EFL1: variants seen among roughly 807,000 people sequenced by gnomAD.
EFL1 encodes the protein elongation factor-like GTPase 1.
EFL1 carries 76 observed loss-of-function variants against 126.7 expected under a neutral mutation model. The ratio of observed to expected loss-of-function variants is 0.60; its 90% CI spans 0.50 to 0.73. The LOEUF is 0.73. EFL1 is among the 30% of genes least tolerant of loss of function. The pLI, the probability that EFL1 is intolerant of heterozygous loss-of-function variation, is 0.00. For synonymous variants in EFL1, 410 were observed against 448.4 expected, an observed-to-expected ratio of 0.91 and a Z score of 1.08; for missense variants, 1,128 against 1,343.2, an observed-to-expected ratio of 0.84 and a Z score of 2.50.
intron 15 of EFL1, among the ~76,000 whole-genome samples, chr15:82,191,905 T>C (rs1376767990): frequency 2.6e-5 from 4 of 152,026 alleles, no homozygotes; most frequent in Admixed American, 2.0e-4. Flanking sequence ...ATAACAACAA[T>C]GAACATGGAA....
At chr15:82,145,588 T>C (rs2073836062) in intron 18 of EFL1, among the ~76,000 whole-genome samples, 1 of 151,878 alleles carries the variant, frequency 6.6e-6, no homozygotes, top group South Asian at 2.1e-4. Context: ...TCCCAGCACT[T>C]TGGGAGGCCG....
At chr15:82,246,725 A>G (rs2074976305) in intron 4 of EFL1, among the ~76,000 whole-genome samples, 1 of 152,036 alleles carries the variant, frequency 6.6e-6, no homozygotes, top group South Asian at 2.1e-4. Context: ...AAATGCCCAT[A>G]CCATTACGTT....
At position 82,262,726 on chromosome 15, in the gene EFL1, G is replaced by A. The variant is rs1671023157; in HGVS notation, c.-132C>T. ...CGACACGCCCGCGCGCCAGGGGGCG[G>A]GGCCGGCTGTCGCTCGACCTTTCAC... On this transcript the variant is annotated 5_prime_UTR_variant, in exon 1 of 20. Transcript: ENST00000268206. 2.7e-5 allele frequency: 24 copies of A among 902,976 alleles called. No homozygotes were observed. The South Asian group carries it at 4.6e-4, about 17-fold the overall frequency. 55.9% of individuals were successfully genotyped at this position (902,976 alleles called of 1,614,324 possible).
At chr15:82,146,815 A>G (rs1215473659) in intron 18 of EFL1, among the ~76,000 whole-genome samples, 1 of 152,116 alleles carries the variant, frequency 6.6e-6, no homozygotes, top group African/African-American at 2.4e-5. Context: ...GGCCCAATAC[A>G]GTGACATTTG....
At chr15:82,176,946 A>G (rs2074201445) in intron 15 of EFL1, among the ~76,000 whole-genome samples, 1 of 152,222 alleles carries the variant, frequency 6.6e-6, no homozygotes, top group Non-Finnish European at 1.5e-5. Context: ...GCAAATCACA[A>G]CCATGTGCCA....
chr15:82,227,383 T>G (rs1459318734), intron 11 of EFL1, 67 bp downstream of exon 11: 1 of 1,612,058 alleles, frequency 6.2e-7, no homozygotes. Flanking sequence ...AGCAAACTGG[T>G]CTAGAGCAGC....
chr15:82,220,458 C>T (rs559046099), intron 12 of EFL1, among the ~76,000 whole-genome samples: 2 of 151,844 alleles, frequency 1.3e-5, no homozygotes, highest in East Asian at 3.9e-4. Context: ...GAGCCCAAGT[C>T]CCCATCTGGA....
intron 15 of EFL1, among the ~76,000 whole-genome samples, chr15:82,205,081 C>T (rs982300045): frequency 2.0e-5 from 3 of 152,178 alleles, no homozygotes; most frequent in African/African-American, 7.2e-5. Flanking sequence ...TCTTTCCCAA[C>T]AGGAAGCAAG....
intron 4 of EFL1, among the ~76,000 whole-genome samples, chr15:82,250,096 G>T (rs960689252): frequency 6.6e-6 from 1 of 150,494 alleles, no homozygotes; most frequent in Non-Finnish European, 1.5e-5. Context: ...CAATCATCAG[G>T]TTTCCCTCTT....
intron 15 of EFL1, among the ~76,000 whole-genome samples, chr15:82,191,715 G>A (rs1440432017): frequency 2.0e-5 from 3 of 152,040 alleles, no homozygotes; most frequent in Admixed American, 2.0e-4. Flanking sequence ...TGAGGTTTTG[G>A]TCAAGTGCCA....
chr15:82,150,166 C>G (rs987743448), intron 18 of EFL1, among the ~76,000 whole-genome samples: 4 of 152,082 alleles, frequency 2.6e-5, no homozygotes, highest in Admixed American at 2.0e-4. Flanking sequence ...CTGGCCTTAA[C>G]CCAGCTATTT....
intron 15 of EFL1, among the ~76,000 whole-genome samples, chr15:82,204,812 G>A (rs938363052): frequency 1.3e-5 from 2 of 152,202 alleles, no homozygotes; most frequent in African/African-American, 4.8e-5. Context: ...TCTCTGGCCT[G>A]CCCAGTGTTG....
At chr15:82,248,998 T>G (rs1003709345) in intron 4 of EFL1, among the ~76,000 whole-genome samples, 3 of 152,102 alleles carry the variant, frequency 2.0e-5, no homozygotes, top group African/African-American at 7.3e-5. Context: ...TAAAGTTAGA[T>G]AGTTACCTCA....
chr15:82,238,289 A>G lies in EFL1; in HGVS notation c.731+18T>C, dbSNP rs1972460. The G allele has an allele frequency of 0.43, 687,219 of 1,608,952 alleles. 149,365 individuals carry two copies. The highest frequency in any genetic ancestry group is 0.49 in the South Asian group (43,800 of 89,996). ...ATAAAATCTGCAAAGAGATTTAATCAGATGCAAACAGACTTACCCAAAGCC... is the reference window on the plus strand; with the variant it reads ...ATAAAATCTGCAAAGAGATTTAATCGGATGCAAACAGACTTACCCAAAGCC... On this transcript the variant is annotated intron_variant, in intron 7 of 19. Coordinates refer to ENST00000268206, the MANE Select transcript of EFL1 (RefSeq NM_024580.6).
chr15:82,150,298 G>T (rs949112908), intron 18 of EFL1, among the ~76,000 whole-genome samples: 1 of 152,098 alleles, frequency 6.6e-6, no homozygotes, highest in Non-Finnish European at 1.5e-5. Context: ...ATCAGCAAAA[G>T]AACCTTCCTA....
chr15:82,236,698 A>C (rs1361700467), intron 7 of EFL1, among the ~76,000 whole-genome samples: 2 of 152,258 alleles, frequency 1.3e-5, no homozygotes, highest in Non-Finnish European at 2.9e-5. Flanking sequence ...TCATGGATTA[A>C]ATGTAAAAAG....
chr15:82,133,736 A>G (rs1056774108), intron 19 of EFL1, among the ~76,000 whole-genome samples: 3 of 152,256 alleles, frequency 2.0e-5, no homozygotes, highest in South Asian at 4.1e-4. Context: ...CTCAACATTC[A>G]TAAGAAACAC....
In EFL1 at chr15:82,152,360, T is replaced by G; in HGVS notation, c.2094A>C (p.Lys698Asn). The change falls in exon 18 of 20, where the codon AAA becomes AAC. Residue 698 changes from lysine to asparagine, a missense_variant. Physicochemically the swap from Lys to Asn is moderately conservative, Grantham distance 94. Transcript: ENST00000268206. ...CATTGACCATGTCAACTTTTGGGGG[T>G]TTTGTGATTGTTTCTCTGAATGGAA... ...PIIPFRETIT[K>N]PPKVDMVNEE... The G allele has an allele frequency of 6.2e-7, 1 of 1,613,646 alleles. No homozygotes were observed. The highest frequency in any genetic ancestry group is 8.5e-7 in the Non-Finnish European group (1 of 1,180,020).
chr15:82,217,385 A>AAC (rs2074660250), intron 14 of EFL1, among the ~76,000 whole-genome samples: 2 of 150,604 alleles, frequency 1.3e-5, no homozygotes, highest in Non-Finnish European at 3.0e-5. Flanking sequence ...AAAAAAAAAA[A>AAC]AAAAAAAAAA....
Sources: gnomAD v4.1 joint callset for allele counts (sites outside exome capture counted in the v4.1 genomes callset) on GRCh38, gnomAD v4.1.1 for gene constraint, MANE v1.5 for transcripts, NCBI Gene and HGNC (gene_info 2026-07-23, HGNC 2026-07-21) for gene names.